Variants in CSGALNACT1 observed in about 807,000 individuals in gnomAD.
CSGALNACT1 encodes chondroitin sulfate N-acetylgalactosaminyltransferase 1, also known as beta4GalNAcT-1.
CSGALNACT1 carries 52 observed loss-of-function variants against 51.0 expected under a neutral mutation model. The ratio of observed to expected loss-of-function variants is 1.02; its 90% CI spans 0.82 to 1.29. CSGALNACT1 has a LOEUF of 1.29. CSGALNACT1 is among the 50% of genes most tolerant of loss of function. The pLI is 0.00. For synonymous variants in CSGALNACT1, 341 were observed against 254.4 expected (o/e 1.34, Z -3.24); for missense variants, 935 against 679.2 (o/e 1.38, Z -4.19).
In CSGALNACT1 at chr8:19,558,038, C is replaced by T. The variant is rs374823597; in HGVS notation, c.-297+33122G>A. Among the ~76,000 whole-genome samples, 82 of 152,338 alleles carry T rather than the reference C, an allele frequency of 5.4e-4. 1 individual carries two copies. Among genetic ancestry groups the T allele is most frequent in the Middle Eastern group, 3.4e-3 (1 of 294 alleles). On this transcript the variant is annotated intron_variant, in intron 3 of 9. Coordinates refer to ENST00000454498, the Ensembl canonical transcript of CSGALNACT1. ...ATAAATGCCTTTCTGATTTTAGTAA[C>T]GTCACTCATCTCATCTCTTGGACAA... is the stretch of plus-strand genomic sequence containing the variant.
chr8:19,454,308 T>C (rs945901010), intron 5 of CSGALNACT1, among the ~76,000 whole-genome samples: 1 of 152,218 alleles, frequency 6.6e-6, no homozygotes, highest in Non-Finnish European at 1.5e-5. Flanking sequence ...TTAAATCCAC[T>C]TAAATCCAGA....
intron 1 of CSGALNACT1, among the ~76,000 whole-genome samples, chr8:19,632,134 C>A (rs7011083): frequency 0.56 from 85,675 of 152,152 alleles, 25,679 homozygotes; most frequent in African/African-American, 0.77. Context: ...AGTGCAAAAA[C>A]CAAATTCTTG....
At chr8:19,672,860 A>G (rs2059900993) in intron 1 of CSGALNACT1, among the ~76,000 whole-genome samples, 1 of 152,220 alleles carries the variant, frequency 6.6e-6, no homozygotes, top group Non-Finnish European at 1.5e-5. Context: ...AACAGGCTAC[A>G]TCAGTTATTC....
intron 8 of CSGALNACT1, 27 bp downstream of exon 7, chr8:19,418,629 A>G (rs780005169): frequency 3.4e-6 from 5 of 1,474,474 alleles, no homozygotes; most frequent in Non-Finnish European, 4.7e-6. Context: ...AGAGCCACAC[A>G]GAGCCATCTG....
At chr8:19,616,327 C>T (rs1057487692) in intron 1 of CSGALNACT1, among the ~76,000 whole-genome samples, 6 of 152,114 alleles carry the variant, frequency 3.9e-5, no homozygotes, top group Non-Finnish European at 7.4e-5. Flanking sequence ...TTAGAAGACA[C>T]AGCTTCCTCA....
intron 1 of CSGALNACT1, among the ~76,000 whole-genome samples, chr8:19,669,193 G>T (rs187934384): frequency 1.1e-4 from 17 of 152,262 alleles, no homozygotes; most frequent in Middle Eastern, 3.4e-3. Flanking sequence ...TTCCCCAATA[G>T]GAATTTGAGT....
At chr8:19,749,419 G>A (rs1366902497) in intron 1 of CSGALNACT1, among the ~76,000 whole-genome samples, 1 of 151,884 alleles carries the variant, frequency 6.6e-6, no homozygotes, top group East Asian at 1.9e-4. Flanking sequence ...CTTATTCACA[G>A]AAGGGCTGGT....
At chr8:19,738,086 C>G (rs147511332) in intron 1 of CSGALNACT1, among the ~76,000 whole-genome samples, 1 of 152,088 alleles carries the variant, frequency 6.6e-6, no homozygotes, top group Non-Finnish European at 1.5e-5. Context: ...AGTAGCCAGG[C>G]GCCATGGTTT....
chr8:19,697,162 A>G (rs2061627577), intron 1 of CSGALNACT1, among the ~76,000 whole-genome samples: 1 of 152,146 alleles, frequency 6.6e-6, no homozygotes, highest in Non-Finnish European at 1.5e-5. Context: ...AAGGATGGAG[A>G]CAAAGAGACC....
At chr8:19,513,426 C>CTCTCTCTA (rs2078846590) in intron 3 of CSGALNACT1, among the ~76,000 whole-genome samples, 1 of 85,404 alleles carries the variant, frequency 1.2e-5, no homozygotes, top group Non-Finnish European at 2.4e-5. Flanking sequence ...CTCTCTCTCT[C>CTCTCTCTA]TCTCTCTCTC....
intron 1 of CSGALNACT1, among the ~76,000 whole-genome samples, chr8:19,649,177 G>C (rs2057546725): frequency 6.6e-6 from 1 of 152,164 alleles, no homozygotes; most frequent in African/African-American, 2.4e-5. Context: ...TTGCAGATGA[G>C]AAAAATGGAG....
intron 3 of CSGALNACT1, among the ~76,000 whole-genome samples, chr8:19,590,995 G>C (rs949078972): frequency 6.6e-6 from 1 of 152,048 alleles, no homozygotes; most frequent in African/African-American, 2.4e-5. Context: ...TTTGTTCAAG[G>C]GATACTGGAA....
chr8:19,522,499 G>A (rs2154031769), intron 3 of CSGALNACT1, among the ~76,000 whole-genome samples: 1 of 152,316 alleles, frequency 6.6e-6, no homozygotes, highest in Non-Finnish European at 1.5e-5. Context: ...TAGGGATCCT[G>A]GGAGATTTTA....
At chr8:19,713,996 G>T (rs1008945892) in intron 1 of CSGALNACT1, among the ~76,000 whole-genome samples, 19 of 152,186 alleles carry the variant, frequency 1.2e-4, no homozygotes, top group African/African-American at 4.6e-4. Context: ...TGGATGCATG[G>T]CACTGGAATG....
intron 1 of CSGALNACT1, among the ~76,000 whole-genome samples, chr8:19,614,981 C>G (rs2052795635): frequency 6.6e-6 from 1 of 152,038 alleles, no homozygotes; most frequent in African/African-American, 2.4e-5. Context: ...TTGAAGTATC[C>G]AAAAGGTAAA....
chr8:19,704,009 C>A (rs1257064635), intron 1 of CSGALNACT1, among the ~76,000 whole-genome samples: 2 of 152,264 alleles, frequency 1.3e-5, no homozygotes, highest in Non-Finnish European at 2.9e-5. Flanking sequence ...CTCTTCCAGC[C>A]CCACTCAGTA....
At chr8:19,698,380 T>A (rs919210231) in intron 1 of CSGALNACT1, among the ~76,000 whole-genome samples, 1 of 152,228 alleles carries the variant, frequency 6.6e-6, no homozygotes, top group African/African-American at 2.4e-5. Context: ...CACTTGTTCA[T>A]GCTTTTGCTC....
intron 1 of CSGALNACT1, among the ~76,000 whole-genome samples, chr8:19,658,062 C>T (rs1472008769): frequency 1.2e-5 from 1 of 86,714 alleles, no homozygotes; most frequent in Non-Finnish European, 2.1e-5. Context: ...ACCCTCCTTC[C>T]AAAAAAAAAA....
chr8:19,678,115 A>C (rs2060330285), intron 1 of CSGALNACT1, among the ~76,000 whole-genome samples: 1 of 152,062 alleles, frequency 6.6e-6, no homozygotes, highest in African/African-American at 2.4e-5. Flanking sequence ...AAACAAACAA[A>C]AAAAAAAATT....
Sources: allele counts gnomAD v4.1 joint callset (sites outside exome capture counted in the v4.1 genomes callset), GRCh38; gene constraint gnomAD v4.1.1; transcripts MANE v1.5; gene names NCBI Gene and HGNC (gene_info 2026-07-23, HGNC 2026-07-21).